The following TRIM34 variants were observed in gnomAD, a reference collection of about 807,000 sequenced individuals.
TRIM34 encodes the protein E3 ubiquitin-protein ligase TRIM34.
In TRIM34, 41 loss-of-function variants were observed where a neutral mutation model predicts 38.1. That is an observed-to-expected ratio of 1.08 (90% CI 0.84 to 1.40). TRIM34 has a LOEUF of 1.40. Ranked by LOEUF, TRIM34 falls within the 40% of genes most tolerant of loss-of-function variation. TRIM34 has a pLI of 0.00. For missense variants in TRIM34, 556 were observed against 571.4 expected, an observed-to-expected ratio of 0.97 and a Z score of 0.27; for synonymous variants, 200 against 202.5, an observed-to-expected ratio of 0.99 and a Z score of 0.10.
intron 1 of TRIM34, among the ~76,000 whole-genome samples, chr11:5,630,002 G>A (rs1192717858): frequency 2.0e-5 from 3 of 152,160 alleles, no homozygotes; most frequent in South Asian, 2.1e-4. Context: ...CACCGCGCCC[G>A]GCCTCAGTGA....
At chr11:5,633,935 A>G (rs770760998) in intron 3 of TRIM34, 36 bp downstream of exon 3, 2 of 1,610,212 alleles carry the variant, frequency 1.2e-6, no homozygotes, top group Non-Finnish European at 1.7e-6. Flanking sequence ...TGAGACAGGA[A>G]TCTTGACAGG....
chr11:5,628,279 G>T (rs1321624959), intron 1 of TRIM34, among the ~76,000 whole-genome samples: 1 of 152,170 alleles, frequency 6.6e-6, no homozygotes, highest in Admixed American at 6.5e-5. Flanking sequence ...ACTATTGGTT[G>T]GATACTGATT....
At chr11:5,640,493 GC>G (rs140616692) in intron 4 of TRIM34, among the ~76,000 whole-genome samples, 6,138 of 151,580 alleles carry the variant, frequency 0.04, 394 homozygotes, top group African/African-American at 0.14. Context: ...ATTCTACTTG[GC>G]CATCAGGTAT....
In TRIM34 at chr11:5,643,443, G is replaced by A. The variant is rs1196212417; in HGVS notation, c.1201G>A (p.Gly401Arg). ...ACCTCTATTTGGCTACTGGGTTATA[G>A]GGTTACAGAATAAATGTAAGTATGG... ...YRPLFGYWVI[G>R]LQNKCKYGVF... The change falls in exon 8 of 8, where the codon GGG (glycine) becomes AGG (arginine). Residue 401 changes from glycine (G) to arginine (R), a missense_variant. Transcript: ENST00000429814. 1.2e-6 allele frequency: 2 copies of A among 1,614,176 alleles called. No homozygotes were observed. Among genetic ancestry groups the A allele is most frequent in the Admixed American group, 3.3e-5 (2 of 60,014 alleles).
rs1049257993 is a variant in TRIM34 at position 5,643,740 on chromosome 11, G to A, written c.*31G>A. The A allele has an allele frequency of 1.3e-6, 2 of 1,541,432 alleles. No homozygotes were observed. The highest frequency in any genetic ancestry group is 1.7e-6 in the Non-Finnish European group (2 of 1,150,166). Reference sequence around the variant, plus strand: ...CTCATTTCTTCACCTACAACCCTTTGTCTTGACTTATCTCCTGCAACTGAC... The same window carrying A: ...CTCATTTCTTCACCTACAACCCTTTATCTTGACTTATCTCCTGCAACTGAC... On this transcript the variant is annotated 3_prime_UTR_variant, in exon 8 of 8. Coordinates refer to ENST00000429814, the MANE Select transcript of TRIM34 (RefSeq NM_021616.6).
chr11:5,630,596 C>A (rs1849445102), intron 1 of TRIM34, among the ~76,000 whole-genome samples: 1 of 152,194 alleles, frequency 6.6e-6, no homozygotes, highest in South Asian at 2.1e-4. Context: ...TTCCATGATT[C>A]CTTCTGCCTA....
chr11:5,629,686 G>A (rs994566637), intron 1 of TRIM34, among the ~76,000 whole-genome samples: 1 of 152,190 alleles, frequency 6.6e-6, no homozygotes, highest in African/African-American at 2.4e-5. Context: ...CGCTTCAGGT[G>A]AGCTCTCCGT....
At position 5,634,670 on chromosome 11, in the gene TRIM34, T is replaced by C; in HGVS notation, c.559T>C (p.Phe187Leu). ...TGAGAGACAAAGGATACAAACAGAA[T>C]TTGATCAGCTTAGAAGCATCCTAAA... ...QTERQRIQTEFDQLRSILNNE... is the reference protein window; with the variant it reads ...QTERQRIQTELDQLRSILNNE... Residue 187 changes from phenylalanine (F) to leucine (L), a missense_variant, in exon 4 of 8, where the codon TTT becomes CTT. Physicochemically the swap from Phe to Leu is conservative, Grantham distance 22. Transcript: ENST00000429814. 1 of 1,613,890 alleles carries C rather than the reference T, an allele frequency of 6.2e-7. No individual in the cohort carries two copies. Among genetic ancestry groups the C allele is most frequent in the South Asian group, 1.1e-5 (1 of 91,068 alleles).
chr11:5,624,544 G>A (rs993094460), upstream of TRIM34, among the ~76,000 whole-genome samples: 7 of 152,220 alleles, frequency 4.6e-5, no homozygotes, highest in African/African-American at 1.4e-4. Flanking sequence ...AAAGTGGTAG[G>A]AGAAGGGGAG....
At chr11:5,631,280 A>G (rs2133922256) in intron 1 of TRIM34, among the ~76,000 whole-genome samples, 1 of 152,060 alleles carries the variant, frequency 6.6e-6, no homozygotes, top group East Asian at 1.9e-4. Flanking sequence ...CACTCTCATA[A>G]CCCTGGATCC....
Position 5,639,673 on chromosome 11 carries a change from CT to C in TRIM34, c.751-1493del, listed in dbSNP as rs1415335541. Among the ~76,000 whole-genome samples, 6 of 58,162 alleles carry C rather than the reference CT, an allele frequency of 1.0e-4. No individual in the cohort carries two copies. In the Admixed American group the frequency reaches 1.7e-3, roughly 17 times the overall value. 38.2% of individuals were successfully genotyped at this position (58,162 alleles called of 152,430 possible). On this transcript the variant is annotated intron_variant, in intron 4 of 7. Coordinates refer to ENST00000429814, the MANE Select transcript of TRIM34 (RefSeq NM_021616.6). ...CCAGCCTGGGTGACAGAGTGAGACT[CT>C]ATTTCAAAAAAAAAAAAAAAAAAAA...
chr11:5,634,528 CACATATAT>C, intron 3 of TRIM34, 95 bp from the exon 4 acceptor site: 3 of 536,634 alleles, frequency 5.6e-6, no homozygotes, highest in Non-Finnish European at 5.7e-6. Context: ...CACACACACA[CACATATAT>C]ATATATATAT....
intron 4 of TRIM34, among the ~76,000 whole-genome samples, chr11:5,636,975 T>A (rs555920138): frequency 2.0e-5 from 3 of 152,234 alleles, no homozygotes; most frequent in South Asian, 4.1e-4. Context: ...TGAAACCCCG[T>A]CTCTACTAAA....
rs2133926533 is a variant in TRIM34, at chr11:5,632,771, A to G, written c.423+17A>G. Reference sequence around the variant, plus strand: ...GAATGTCAGGTAGGGCCCTAGATGGAGGGAGATGGGGCAGAAGATGGTAGT... The same window carrying G: ...GAATGTCAGGTAGGGCCCTAGATGGGGGGAGATGGGGCAGAAGATGGTAGT... On this transcript the variant is annotated intron_variant, in intron 2 of 7. Transcript: ENST00000429814. 6.8e-7 allele frequency: 1 copy of G among 1,472,930 alleles called. No homozygotes were observed. Among genetic ancestry groups the G allele is most frequent in the Non-Finnish European group, 9.2e-7 (1 of 1,092,080 alleles). 91.2% of individuals were successfully genotyped at this position (1,472,930 alleles called of 1,614,324 possible). A position where few individuals can be genotyped will look rare whatever the true frequency, so the allele number is the denominator to read the frequency against.
chr11:5,643,038 C>T (rs891840712), intron 7 of TRIM34, 106 bp from the exon 8 acceptor site: 2 of 1,293,290 alleles, frequency 1.5e-6, no homozygotes, highest in Non-Finnish European at 2.1e-6. Flanking sequence ...GTTCGTTCAT[C>T]ACCATGTCAC....
At chr11:5,642,732 C>T in intron 6 of TRIM34, 85 bp from the exon 7 acceptor site, 1 of 1,565,920 alleles carries the variant, frequency 6.4e-7, no homozygotes, top group Non-Finnish European at 8.7e-7. Context: ...ATTCCCTTCC[C>T]CTGTCCCTAC....
intron 5 of TRIM34, among the ~76,000 whole-genome samples, chr11:5,641,849 A>G (rs1052046401): frequency 6.6e-6 from 1 of 152,198 alleles, no homozygotes; most frequent in African/African-American, 2.4e-5. Flanking sequence ...TTAGGTTGTC[A>G]TAACTTCTCC....
intron 4 of TRIM34, among the ~76,000 whole-genome samples, chr11:5,637,925 G>A (rs1049016840): frequency 3.9e-5 from 6 of 152,058 alleles, no homozygotes; most frequent in South Asian, 2.1e-4. Context: ...TTTTTGTTTC[G>A]TCAATATCCA....
Position 5,632,661 on chromosome 11 carries a change from G to A in TRIM34, c.330G>A (p.Glu110=), listed in dbSNP as rs759116385. 6 of 1,612,686 alleles carry A rather than the reference G, an allele frequency of 3.7e-6. No homozygotes were observed. In the Admixed American group the frequency reaches 8.4e-5, roughly 22 times the overall value. Residue 110 remains glutamate (E), a synonymous_variant, in exon 2 of 8, where the codon GAG becomes GAA. Coordinates refer to ENST00000429814, the MANE Select transcript of TRIM34 (RefSeq NM_021616.6). The part of the protein sequence containing the change: ...HGEKLLLFCK[E]DRKVICWLCE... ...AGAAACTCCTACTCTTCTGTAAGGAGGATAGGAAAGTCATTTGCTGGCTTT... is the reference window on the plus strand; with the variant it reads ...AGAAACTCCTACTCTTCTGTAAGGAAGATAGGAAAGTCATTTGCTGGCTTT...
Sources: gnomAD v4.1 joint callset for allele counts (sites outside exome capture counted in the v4.1 genomes callset) on GRCh38, gnomAD v4.1.1 for gene constraint, MANE v1.5 for transcripts, NCBI Gene and HGNC (gene_info 2026-07-23, HGNC 2026-07-21) for gene names.